Variants in CLYBL observed in about 807,000 individuals in gnomAD.
The protein encoded by CLYBL is citramalyl-CoA lyase, also known as citramalyl-CoA lyase, mitochondrial.
In CLYBL, 31 loss-of-function variants were observed where a neutral mutation model predicts 38.9. The ratio of observed to expected loss-of-function variants is 0.80; its 90% CI spans 0.60 to 1.08. CLYBL has a LOEUF of 1.08. CLYBL is among the 50% of genes least tolerant of loss of function. CLYBL has a pLI of 0.00. For synonymous variants in CLYBL, 171 were observed against 158.6 expected, an observed-to-expected ratio of 1.08 and a Z score of -0.59; for missense variants, 434 against 411.6, an observed-to-expected ratio of 1.05 and a Z score of -0.47.
At chr13:99,631,416 A>C (rs1393358889) in intron 1 of CLYBL, among the ~76,000 whole-genome samples, 1 of 151,856 alleles carries the variant, frequency 6.6e-6, no homozygotes, top group East Asian at 1.9e-4. Flanking sequence ...TACATATATT[A>C]CATACATATA....
intron 1 of CLYBL, among the ~76,000 whole-genome samples, chr13:99,620,637 G>A (rs757557578): frequency 3.5e-4 from 53 of 152,002 alleles, no homozygotes; most frequent in Non-Finnish European, 6.6e-4. Flanking sequence ...TTAGCTGAAC[G>A]TGGTGGTCAC....
chr13:99,644,320 G>A (rs1010351689), intron 1 of CLYBL, among the ~76,000 whole-genome samples: 8 of 151,920 alleles, frequency 5.3e-5, no homozygotes, highest in African/African-American at 1.9e-4. Context: ...TCTTCCTGTG[G>A]GTTGCAGTAA....
At chr13:99,867,335 G>A (rs932490794) in intron 6 of CLYBL, among the ~76,000 whole-genome samples, 2 of 152,146 alleles carry the variant, frequency 1.3e-5, no homozygotes, top group African/African-American at 4.8e-5. Flanking sequence ...CCGAAAGAAA[G>A]GTTTCATAAA....
intron 1 of CLYBL, among the ~76,000 whole-genome samples, chr13:99,621,762 T>C (rs1474548579): frequency 2.0e-5 from 3 of 152,170 alleles, no homozygotes; most frequent in Non-Finnish European, 4.4e-5. Flanking sequence ...GCGATTTTTT[T>C]TTTTTTCCCT....
intron 2 of CLYBL, among the ~76,000 whole-genome samples, chr13:99,799,665 A>G (rs1175514348): frequency 6.6e-6 from 1 of 152,216 alleles, no homozygotes; most frequent in Non-Finnish European, 1.5e-5. Context: ...GGAGGAAGGT[A>G]ATTGTGTTGG....
Position 99,826,304 on chromosome 13 carries a change from G to A in CLYBL, c.250-32557G>A, listed in dbSNP as rs367689879. Among the ~76,000 whole-genome samples, 5 of 152,182 alleles carry A rather than the reference G, an allele frequency of 3.3e-5. No individual in the cohort carries two copies. In the East Asian group the frequency reaches 9.6e-4, roughly 29 times the overall value. ...AAGCAAAACTGGGGTTTCCTGGAAA[G>A]GAAAATCTGCCTCAGAACCATGACA... is the stretch of plus-strand genomic sequence containing the variant. On this transcript the variant is annotated intron_variant, in intron 2 of 8. Coordinates refer to ENST00000339105, the MANE Select transcript of CLYBL (RefSeq NM_206808.5).
At chr13:99,631,559 A>G (rs768312896) in intron 1 of CLYBL, among the ~76,000 whole-genome samples, 4 of 152,056 alleles carry the variant, frequency 2.6e-5, no homozygotes, top group Non-Finnish European at 5.9e-5. Context: ...GCTTGATTGT[A>G]CTAATCCCCC....
chr13:99,764,358 C>T (rs1365902164), intron 1 of CLYBL, among the ~76,000 whole-genome samples: 1 of 152,052 alleles, frequency 6.6e-6, no homozygotes, highest in Non-Finnish European at 1.5e-5. Flanking sequence ...GGCAATAAAG[C>T]CATTAGGCCA....
intron 2 of CLYBL, among the ~76,000 whole-genome samples, chr13:99,831,875 A>C (rs2050811019): frequency 6.6e-6 from 1 of 152,206 alleles, no homozygotes; most frequent in Non-Finnish European, 1.5e-5. Flanking sequence ...TTTTAGCTTC[A>C]TAGAGCAATA....
chr13:99,760,568 C>G (rs1394822372), intron 1 of CLYBL, among the ~76,000 whole-genome samples: 1 of 152,214 alleles, frequency 6.6e-6, no homozygotes, highest in Non-Finnish European at 1.5e-5. Flanking sequence ...TTTTTCCAGA[C>G]ATAGGATTCC....
At position 99,635,241 on chromosome 13, in the gene CLYBL, A is replaced by G. The variant is rs141518981; in HGVS notation, c.62+28484A>G. Among the ~76,000 whole-genome samples the G allele has an allele frequency of 3.2e-3, 491 of 152,116 alleles. 1 individual carries two copies. The highest frequency in any genetic ancestry group is 5.0e-3 in the Non-Finnish European group (339 of 67,972). On this transcript the variant is annotated intron_variant, in intron 1 of 8. Coordinates refer to ENST00000339105, the MANE Select transcript of CLYBL (RefSeq NM_206808.5). Reference sequence around the variant, plus strand: ...TACCTGGGGGTCATTAACAAGGTCAATTGACCCAAATCCTTCTCAAATCTG... The same window carrying G: ...TACCTGGGGGTCATTAACAAGGTCAGTTGACCCAAATCCTTCTCAAATCTG...
intron 1 of CLYBL, among the ~76,000 whole-genome samples, chr13:99,765,736 G>A (rs9582341): frequency 0.028 from 4,279 of 151,964 alleles, 213 homozygotes; most frequent in African/African-American, 0.098. Context: ...CTAGAGACAG[G>A]GTTTTGCCAT....
At chr13:99,651,563 C>T (rs2047253473) in intron 1 of CLYBL, among the ~76,000 whole-genome samples, 2 of 151,792 alleles carry the variant, frequency 1.3e-5, no homozygotes, top group African/African-American at 4.8e-5. Flanking sequence ...CAGCGAGACC[C>T]CGTCTCAAAA....
chr13:99,648,180 G>A (rs2047204105), intron 1 of CLYBL, among the ~76,000 whole-genome samples: 2 of 152,086 alleles, frequency 1.3e-5, no homozygotes, highest in African/African-American at 2.4e-5. Context: ...AAATAATTAG[G>A]GAGCTGTCTG....
intron 1 of CLYBL, among the ~76,000 whole-genome samples, chr13:99,622,492 G>A (rs1347292111): frequency 1.3e-5 from 2 of 152,004 alleles, no homozygotes; most frequent in East Asian, 3.9e-4. Flanking sequence ...TTTTCTTTTT[G>A]TCTCCATTGC....
Position 99,754,748 on chromosome 13 carries a change from CTTTTTT to C in CLYBL, c.63-18064_63-18059del, listed in dbSNP as rs35982336. Among the ~76,000 whole-genome samples the C allele has an allele frequency of 3.5e-4, 44 of 124,456 alleles. 1 individual carries two copies. Among genetic ancestry groups the C allele is most frequent in the African/African-American group, 1.1e-3 (35 of 32,868 alleles). 81.6% of individuals were successfully genotyped at this position (124,456 alleles called of 152,430 possible). A position where few individuals can be genotyped will look rare whatever the true frequency, so the allele number is the denominator to read the frequency against. On this transcript the variant is annotated intron_variant, in intron 1 of 8. Coordinates refer to ENST00000339105, the MANE Select transcript of CLYBL (RefSeq NM_206808.5). ...TACAGGCGTGTGCCACCATGCCCAGCTTTTTTTTTTTTTTTTTGTATTATTAGTAGA... is the reference window on the plus strand; with the variant it reads ...TACAGGCGTGTGCCACCATGCCCAGCTTTTTTTTTTTGTATTATTAGTAGA...
chr13:99,641,601 A>G (rs1391502513), intron 1 of CLYBL, among the ~76,000 whole-genome samples: 3 of 151,948 alleles, frequency 2.0e-5, no homozygotes, highest in African/African-American at 7.2e-5. Context: ...TCAGGAGATC[A>G]AGACCATCCT....
chr13:99,790,553 G>A (rs1286915247), intron 2 of CLYBL, among the ~76,000 whole-genome samples: 2 of 152,188 alleles, frequency 1.3e-5, no homozygotes, highest in Non-Finnish European at 2.9e-5. Context: ...GGCTTGTAGA[G>A]TTACTGCTGA....
rs1405487877 is a variant in CLYBL, at chr13:99,849,013, C to T, written c.250-9848C>T. Among the ~76,000 whole-genome samples the T allele has an allele frequency of 6.6e-6, 1 of 151,950 alleles. No homozygotes were observed. The highest frequency in any genetic ancestry group is 2.4e-5 in the African/African-American group (1 of 41,346). On this transcript the variant is annotated intron_variant, in intron 2 of 8. Transcript: ENST00000339105. The surrounding 1 kb of genome is among the most constrained non-coding windows in gnomAD (Gnocchi z 4.9). Reference sequence around the variant, plus strand: ...AATTAGCTGGGCGTGGTGGCAGTCACATGTAATCCCAGCTACTTGGGAGGC... The same window carrying T: ...AATTAGCTGGGCGTGGTGGCAGTCATATGTAATCCCAGCTACTTGGGAGGC...
Sources: allele counts gnomAD v4.1 joint callset (sites outside exome capture counted in the v4.1 genomes callset), GRCh38; gene constraint gnomAD v4.1.1; non-coding constraint Gnocchi (gnomAD v3.1); transcripts MANE v1.5; gene names NCBI Gene and HGNC (gene_info 2026-07-23, HGNC 2026-07-21).